LNPEP: variants seen among roughly 807,000 people sequenced by gnomAD.
LNPEP encodes the protein leucyl and cystinyl aminopeptidase, also known as leucyl-cystinyl aminopeptidase.
LNPEP carries 64 observed loss-of-function variants against 120.6 expected under a neutral mutation model. That is an observed-to-expected ratio of 0.53 (90% CI 0.43 to 0.65). LNPEP has a LOEUF of 0.65. Among genes scored for constraint, LNPEP ranks in the 30% least tolerant of loss-of-function variants. LNPEP has a pLI of 0.00. For synonymous variants in LNPEP, 435 were observed against 425.4 expected, an observed-to-expected ratio of 1.02 and a Z score of -0.28; for missense variants, 1,057 against 1,200.0, an observed-to-expected ratio of 0.88 and a Z score of 1.76.
At chr5:96,994,467 T>A in intron 6 of LNPEP, among the ~76,000 whole-genome samples, 1 of 25,008 alleles carries the variant, frequency 4.0e-5, no homozygotes, top group Admixed American at 5.8e-4. Context: ...AGGGCTGGAT[T>A]TTTTTTTTTT....
chr5:96,997,874 T>A, intron 7 of LNPEP, 140 bp from the exon 8 acceptor site: 1 of 542,832 alleles, frequency 1.8e-6, no homozygotes, highest in South Asian at 2.7e-5. Context: ...TTTTGAAAGC[T>A]TATATCCTGA....
intron 1 of LNPEP, among the ~76,000 whole-genome samples, chr5:96,955,881 A>C (rs1789456492): frequency 6.6e-6 from 1 of 152,198 alleles, no homozygotes. Context: ...CTATCTTTCA[A>C]ACTGTTTGTG....
In LNPEP at chr5:96,951,644, A is replaced by G. The variant is rs189806202; in HGVS notation, c.19+15470A>G. On this transcript the variant is annotated intron_variant, in intron 1 of 17. Coordinates refer to ENST00000231368, the MANE Select transcript of LNPEP (RefSeq NM_005575.3). ...TGTATCATAGGAGTCTTCACTTTAGACAGTTTCTTTCTGTGAACCTCAGGA... is the reference window on the plus strand; with the variant it reads ...TGTATCATAGGAGTCTTCACTTTAGGCAGTTTCTTTCTGTGAACCTCAGGA... Among the ~76,000 whole-genome samples the G allele has an allele frequency of 1.7e-3, 259 of 152,302 alleles. 1 individual carries two copies. Among genetic ancestry groups the G allele is most frequent in the Admixed American group, 2.2e-3 (33 of 15,302 alleles).
chr5:96,978,241 A>T (rs760415740), intron 1 of LNPEP, among the ~76,000 whole-genome samples: 9 of 152,050 alleles, frequency 5.9e-5, no homozygotes, highest in Non-Finnish European at 1.2e-4. Context: ...CTACTTCTAG[A>T]GTCTTTTTTC....
rs1295745466 is a variant in LNPEP, at chr5:97,030,648, G to C, written c.*2115G>C. ...TGTGTGTGTGTGTGTGTGTGTGTGT[G>C]TGTGTGTGTGTGTGTGTGTGTAGTG... is the stretch of plus-strand genomic sequence containing the variant. On this transcript the variant is annotated 3_prime_UTR_variant, in exon 18 of 18. Transcript: ENST00000231368. 3 of 151,062 alleles carry C rather than the reference G, an allele frequency of 2.0e-5. No individual in the cohort carries two copies. Among genetic ancestry groups the C allele is most frequent in the Admixed American group, 1.3e-4 (2 of 15,136 alleles). The allele number at this position is 151,062 out of a possible 1,614,324, so 9.4% of individuals were successfully genotyped here.
chr5:96,988,499 C>T (rs1000473205), intron 4 of LNPEP, among the ~76,000 whole-genome samples: 14 of 151,398 alleles, frequency 9.2e-5, no homozygotes, highest in East Asian at 5.8e-4. Context: ...CCACCACGCC[C>T]GGCTAATTTT....
At chr5:96,989,360 A>ATATATTATATAT (rs1230058126) in intron 4 of LNPEP, among the ~76,000 whole-genome samples, 1 of 22,992 alleles carries the variant, frequency 4.3e-5, no homozygotes, top group African/African-American at 1.8e-4. Context: ...ATTATATATT[A>ATATATTATATAT]TATATAATTA....
intron 1 of LNPEP, among the ~76,000 whole-genome samples, chr5:96,954,703 CATATAT>C (rs1789406141): frequency 2.1e-5 from 1 of 48,454 alleles, no homozygotes; most frequent in Non-Finnish European, 4.0e-5. Flanking sequence ...CACATATATA[CATATAT>C]ACACATATAT....
intron 1 of LNPEP, among the ~76,000 whole-genome samples, chr5:96,944,312 G>C (rs1208598747): frequency 1.3e-5 from 2 of 152,124 alleles, no homozygotes; most frequent in Admixed American, 6.5e-5. Flanking sequence ...GGCTTATTCT[G>C]AGATAAATAA....
chr5:96,943,556 G>GT (rs1394379343), intron 1 of LNPEP, among the ~76,000 whole-genome samples: 1 of 152,208 alleles, frequency 6.6e-6, no homozygotes, highest in Non-Finnish European at 1.5e-5. Flanking sequence ...CCAAGTGCTG[G>GT]TACTATAGGT....
chr5:96,936,106 G>A lies in LNPEP; in HGVS notation c.-50G>A. On this transcript the variant is annotated 5_prime_UTR_variant, in exon 1 of 18. Transcript: ENST00000231368. ...GTCAGCTGGGCCGCCTCAGCTCTCG[G>A]AGTAGGAAGCTCGGGCGCTCCGGCT... 6.6e-7 allele frequency: 1 copy of A among 1,515,472 alleles called. No homozygotes were observed. The highest frequency in any genetic ancestry group is 8.8e-7 in the Non-Finnish European group (1 of 1,131,786). 93.9% of individuals were successfully genotyped at this position (1,515,472 alleles called of 1,614,324 possible).
In LNPEP at chr5:96,986,623, A is replaced by G. The variant is rs1402871005; in HGVS notation, c.1084A>G (p.Ile362Val). 1.2e-6 allele frequency: 2 copies of G among 1,613,660 alleles called. No individual in the cohort carries two copies. The highest frequency in any genetic ancestry group is 3.3e-5 in the Admixed American group (2 of 59,998). The change falls in exon 4 of 18, where the codon ATT becomes GTT. Residue 362 changes from isoleucine (I) to valine (V), a missense_variant. Ile to Val is a conservative substitution (Grantham distance 29). Coordinates refer to ENST00000231368, the MANE Select transcript of LNPEP (RefSeq NM_005575.3). Reference protein sequence around the residue: ...VKMSTYLVAFIVGEMKNLSQD... With the variant: ...VKMSTYLVAFVVGEMKNLSQD... ...GATGAGCACTTACTTGGTTGCTTTCATTGTGGGAGAGATGAAGAACCTGAG... is the reference window on the plus strand; with the variant it reads ...GATGAGCACTTACTTGGTTGCTTTCGTTGTGGGAGAGATGAAGAACCTGAG...
chr5:96,997,933 A>T, intron 7 of LNPEP, 81 bp from the exon 8 acceptor site: 1 of 949,648 alleles, frequency 1.1e-6, no homozygotes, highest in Non-Finnish European at 1.5e-6. Flanking sequence ...CACACTAATT[A>T]GTCTAATTCA....
chr5:96,972,997 G>A (rs1789906389), intron 1 of LNPEP, among the ~76,000 whole-genome samples: 1 of 152,120 alleles, frequency 6.6e-6, no homozygotes, highest in Non-Finnish European at 1.5e-5. Flanking sequence ...CAATATACTA[G>A]GGGTAAAGTA....
rs1789695399 is a variant in LNPEP at position 96,965,053 on chromosome 5, T to C, written c.20-14085T>C. On this transcript the variant is annotated intron_variant, in intron 1 of 17. Coordinates refer to ENST00000231368, the MANE Select transcript of LNPEP (RefSeq NM_005575.3). ...CAGGGCAGTTGGAATATCCATCACC[T>C]CAAACATTTATCTTTTCTTTATGTT... 2.0e-5 allele frequency among the ~76,000 whole-genome samples: 3 copies of C among 152,144 alleles called. No individual in the cohort carries two copies. In the South Asian group the frequency reaches 6.2e-4, roughly 31 times the overall value.
intron 8 of LNPEP, among the ~76,000 whole-genome samples, chr5:97,001,270 T>A (rs1313907850): frequency 6.6e-6 from 1 of 152,198 alleles, no homozygotes; most frequent in Non-Finnish European, 1.5e-5. Context: ...TTTTAAAGAT[T>A]GATCCAGTAG....
intron 6 of LNPEP, among the ~76,000 whole-genome samples, 173 bp downstream of exon 6, chr5:96,994,144 A>G (rs973744472): frequency 6.6e-6 from 1 of 152,032 alleles, no homozygotes; most frequent in Non-Finnish European, 1.5e-5. Flanking sequence ...ATGCTATCAG[A>G]TGTTTGACTT....
intron 11 of LNPEP, among the ~76,000 whole-genome samples, chr5:97,009,719 G>A (rs1488933370): frequency 1.3e-5 from 2 of 152,112 alleles, no homozygotes; most frequent in Admixed American, 1.3e-4. Flanking sequence ...CTGCCATTTC[G>A]GGTTTAGAGA....
At chr5:97,024,450 A>C (rs560311852) in intron 14 of LNPEP, 71 bp from the exon 15 acceptor site, 1 of 1,431,154 alleles carries the variant, frequency 7.0e-7, no homozygotes, top group Admixed American at 1.9e-5. Flanking sequence ...AAACTCCACC[A>C]CAGCCAACTC....
Sources: allele counts gnomAD v4.1 joint callset (sites outside exome capture counted in the v4.1 genomes callset), GRCh38; gene constraint gnomAD v4.1.1; transcripts MANE v1.5; gene names NCBI Gene and HGNC (gene_info 2026-07-23, HGNC 2026-07-21).